The following CNTN6 variants were observed in gnomAD, a reference collection of about 807,000 sequenced individuals.
CNTN6 encodes the protein contactin 6.
In CNTN6, 137 loss-of-function variants were observed where a neutral mutation model predicts 122.8. The observed-to-expected ratio is 1.12, with a 90% confidence interval of 0.97 to 1.29. The LOEUF (loss-of-function observed/expected upper bound fraction) is 1.29, where lower values mean the gene tolerates loss of function less well. Ranked by LOEUF, CNTN6 falls within the 50% of genes most tolerant of loss-of-function variation. CNTN6 has a pLI of 0.00. For missense variants in CNTN6, 1,634 were observed against 1,223.4 expected (o/e 1.34, Z -5.01); for synonymous variants, 570 against 426.0 (o/e 1.34, Z -4.16).
At chr3:1,202,427 C>T (rs1038586006) in intron 2 of CNTN6, among the ~76,000 whole-genome samples, 1 of 151,782 alleles carries the variant, frequency 6.6e-6, no homozygotes, top group Admixed American at 6.6e-5. Context: ...GTAGTCCCAG[C>T]TACTCGGGAG....
intron 2 of CNTN6, among the ~76,000 whole-genome samples, chr3:1,207,105 T>C (rs1171306180): frequency 6.6e-6 from 1 of 152,126 alleles, no homozygotes; most frequent in Admixed American, 6.6e-5. Flanking sequence ...CCTTAGATAT[T>C]TCAGTAGAAA....
chr3:1,325,941 T>G lies in CNTN6; in HGVS notation c.1073T>G (p.Leu358Arg). 6.2e-7 allele frequency: 1 copy of G among 1,610,784 alleles called. No homozygotes were observed. The change falls in exon 9 of 23, where the codon CTC (leucine) becomes CGC (arginine). Residue 358 changes from leucine to arginine, a missense_variant. Leu to Arg is a moderately radical substitution (Grantham distance 102, BLOSUM62 -2). Transcript: ENST00000446702. The part of the protein sequence containing the change: ...WYTWLKNGER[L>R]NPEERIQIEN... Reference sequence around the variant, plus strand: ...ACATGGTTAAAAAATGGTGAACGACTCAACCCAGAGGTAAGCAACTATGTT... The same window carrying G: ...ACATGGTTAAAAAATGGTGAACGACGCAACCCAGAGGTAAGCAACTATGTT...
chr3:1,270,696 A>G (rs1348437300), intron 4 of CNTN6, among the ~76,000 whole-genome samples: 3 of 152,230 alleles, frequency 2.0e-5, no homozygotes, highest in Non-Finnish European at 4.4e-5. Context: ...GACGGAAACC[A>G]GAAAGCAGGG....
chr3:1,233,734 CAAAAA>C (rs1166507455), intron 4 of CNTN6, among the ~76,000 whole-genome samples: 21 of 52,156 alleles, frequency 4.0e-4, no homozygotes, highest in Admixed American at 2.4e-3. Flanking sequence ...GACTCTGTCT[CAAAAA>C]AAAAAAAAAA....
rs533247776 is a variant in CNTN6, at chr3:1,335,996, G to A, written c.1364+6061G>A. Among the ~76,000 whole-genome samples, 48 of 152,080 alleles carry A rather than the reference G, an allele frequency of 3.2e-4. No homozygotes were observed. In the East Asian group the frequency reaches 7.8e-3, roughly 25 times the overall value. ...GCCCAGGATGTTGAGGCTGCAGTGA[G>A]CCATGATTGTGCCACTGCACTCCAG... is the stretch of plus-strand genomic sequence containing the variant. On this transcript the variant is annotated intron_variant, in intron 11 of 22. Coordinates refer to ENST00000446702, the MANE Select transcript of CNTN6 (RefSeq NM_001289080.2).
chr3:1,118,270 G>A (rs756012625), intron 1 of CNTN6, among the ~76,000 whole-genome samples: 10 of 152,156 alleles, frequency 6.6e-5, no homozygotes, highest in Non-Finnish European at 1.2e-4. Flanking sequence ...CACTGAACAC[G>A]TGTGGTGAGG....
intron 2 of CNTN6, among the ~76,000 whole-genome samples, chr3:1,177,989 C>T (rs1305581612): frequency 6.6e-6 from 1 of 151,486 alleles, no homozygotes. Flanking sequence ...CAACCTCTGC[C>T]TCCCGGATTC....
intron 20 of CNTN6, among the ~76,000 whole-genome samples, chr3:1,393,650 TA>T (rs577181483): frequency 0.014 from 1,946 of 142,772 alleles, 41 homozygotes; most frequent in African/African-American, 0.045. Flanking sequence ...AAACAAACAT[TA>T]AAAAAAAAAA....
rs573228859 is a variant in CNTN6 at position 1,358,292 on chromosome 3, C to T, written c.1492+5841C>T. Among the ~76,000 whole-genome samples, 12 of 151,956 alleles carry T rather than the reference C, an allele frequency of 7.9e-5. No individual in the cohort carries two copies. The South Asian group carries it at 2.3e-3, about 29-fold the overall frequency. The stretch of plus-strand genomic sequence containing the variant: ...TTGATCTTTAGTTTCCTGCCCAAAC[C>T]TGCAAACACTTGTGCTCACTTGTTT... On this transcript the variant is annotated intron_variant, in intron 12 of 22. Coordinates refer to ENST00000446702, the MANE Select transcript of CNTN6 (RefSeq NM_001289080.2).
At chr3:1,300,669 C>T (rs982300321) in intron 7 of CNTN6, among the ~76,000 whole-genome samples, 21 of 151,930 alleles carry the variant, frequency 1.4e-4, no homozygotes, top group Non-Finnish European at 3.1e-4. Context: ...TGCTCACATA[C>T]CAGTTTCTTA....
At chr3:1,329,153 T>G (rs1222986176) in intron 10 of CNTN6, among the ~76,000 whole-genome samples, 1 of 151,192 alleles carries the variant, frequency 6.6e-6, no homozygotes, top group Non-Finnish European at 1.5e-5. Context: ...GTTCCATTGC[T>G]TATATACATA....
intron 12 of CNTN6, among the ~76,000 whole-genome samples, chr3:1,357,157 C>G (rs1299191984): frequency 6.6e-6 from 1 of 151,576 alleles, no homozygotes; most frequent in Non-Finnish European, 1.5e-5. Flanking sequence ...CCACTTTTTT[C>G]AAGATATTTT....
chr3:1,324,868 A>G (rs1441360391), intron 8 of CNTN6, among the ~76,000 whole-genome samples: 2 of 149,624 alleles, frequency 1.3e-5, no homozygotes, highest in East Asian at 3.9e-4. Flanking sequence ...CAGGTTACCT[A>G]ACATCGCTGC....
chr3:1,160,661 G>GT (rs1260405937), intron 2 of CNTN6, among the ~76,000 whole-genome samples: 21 of 128,570 alleles, frequency 1.6e-4, no homozygotes, highest in Non-Finnish European at 2.9e-4. Context: ...ATAAATGTAC[G>GT]TAAAAAAAAA....
chr3:1,282,277 T>C (rs1019810328), intron 5 of CNTN6, among the ~76,000 whole-genome samples: 12 of 152,164 alleles, frequency 7.9e-5, no homozygotes, highest in African/African-American at 2.4e-4. Flanking sequence ...CCACCCAGTT[T>C]TGAAGCACAG....
At chr3:1,325,140 C>T (rs552839997) in intron 8 of CNTN6, among the ~76,000 whole-genome samples, 3 of 151,768 alleles carry the variant, frequency 2.0e-5, no homozygotes, top group Admixed American at 6.6e-5. Context: ...CTTACTTTCA[C>T]GTCAATTATG....
intron 2 of CNTN6, among the ~76,000 whole-genome samples, chr3:1,190,662 A>G (rs2093688842): frequency 6.6e-6 from 1 of 152,220 alleles, no homozygotes; most frequent in Non-Finnish European, 1.5e-5. Context: ...GCTGTAAGAG[A>G]AAGCAGAATG....
At chr3:1,274,647 T>G (rs1691990653) in intron 4 of CNTN6, among the ~76,000 whole-genome samples, 1 of 152,198 alleles carries the variant, frequency 6.6e-6, no homozygotes, top group African/African-American at 2.4e-5. Flanking sequence ...TTAGCAGAGA[T>G]AAACTGCGGA....
intron 20 of CNTN6, among the ~76,000 whole-genome samples, chr3:1,387,870 G>T (rs546969717): frequency 5.9e-5 from 9 of 152,274 alleles, no homozygotes; most frequent in Non-Finnish European, 8.8e-5. Flanking sequence ...AAAAAACGGC[G>T]CACCACGAGA....
Sources: gnomAD v4.1 joint callset for allele counts (sites outside exome capture counted in the v4.1 genomes callset) on GRCh38, gnomAD v4.1.1 for gene constraint, MANE v1.5 for transcripts, NCBI Gene and HGNC (gene_info 2026-07-23, HGNC 2026-07-21) for gene names.